Variants in AFF2 observed in about 807,000 individuals in gnomAD.
The protein encoded by AFF2 is ALF transcription elongation factor 2.
A neutral mutation model predicts 76.9 loss-of-function variants in AFF2; 14 were observed. That is an observed-to-expected ratio of 0.18 (90% confidence interval 0.12 to 0.28). AFF2 has a LOEUF of 0.28. Ranked by LOEUF, AFF2 falls within the 10% of genes least tolerant of loss-of-function variation. The pLI is 1.00. For synonymous variants in AFF2, 398 were observed against 366.7 expected (o/e 1.09, Z -0.98); for missense variants, 868 against 1,001.1 (o/e 0.87, Z 1.79).
At chrX:148,608,463 C>G (rs950948301) in intron 1 of AFF2, among the ~76,000 whole-genome samples, 1 of 110,708 alleles carries the variant, frequency 9.0e-6, no homozygotes, top group African/African-American at 3.3e-5. Context: ...CTGGAGGAAG[C>G]TAAGGCTTGT....
chrX:148,870,573 A>G (rs1168278019), intron 7 of AFF2, among the ~76,000 whole-genome samples: 2 of 111,888 alleles, frequency 1.8e-5, no homozygotes, highest in Non-Finnish European at 3.8e-5. Flanking sequence ...CTGTTGTTCC[A>G]CATTTTCTTT....
chrX:148,886,742 C>T (rs1262605564), intron 8 of AFF2, among the ~76,000 whole-genome samples: 2 of 112,287 alleles, frequency 1.8e-5, no homozygotes, highest in Admixed American at 9.4e-5. Flanking sequence ...TGCTTATCAC[C>T]TCAAGTGAGG....
At chrX:148,788,378 A>G (rs963767141) in intron 3 of AFF2, among the ~76,000 whole-genome samples, 10 of 112,234 alleles carry the variant, frequency 8.9e-5, no homozygotes, top group Non-Finnish European at 9.4e-5. Context: ...CAGCAGTTAC[A>G]TAGAGCCACG....
At chrX:148,762,664 G>A (rs1439065191) in intron 3 of AFF2, among the ~76,000 whole-genome samples, 1 of 110,082 alleles carries the variant, frequency 9.1e-6, no homozygotes, top group Non-Finnish European at 1.9e-5. Flanking sequence ...AGATCGCTGA[G>A]GATAGTTGAC....
intron 3 of AFF2, among the ~76,000 whole-genome samples, chrX:148,701,564 A>G: frequency 8.9e-6 from 1 of 112,159 alleles, no homozygotes; most frequent in Non-Finnish European, 1.9e-5. Flanking sequence ...ATGATTTCAG[A>G]TGTTCAAAAA....
intron 3 of AFF2, among the ~76,000 whole-genome samples, chrX:148,784,719 T>C (rs1411755653): frequency 1.8e-5 from 2 of 112,123 alleles, no homozygotes; most frequent in Non-Finnish European, 3.8e-5. Flanking sequence ...AATTGCTCAA[T>C]TGCACCTGCA....
At chrX:148,544,803 C>T (rs1030190588) in intron 1 of AFF2, among the ~76,000 whole-genome samples, 8 of 111,586 alleles carry the variant, frequency 7.2e-5, no homozygotes, top group African/African-American at 2.6e-4. Flanking sequence ...TACTGTGTTA[C>T]GATCACCACA....
chrX:148,626,134 T>G (rs782251981), intron 1 of AFF2, among the ~76,000 whole-genome samples: 22 of 111,984 alleles, frequency 2.0e-4, no homozygotes, highest in South Asian at 1.1e-3. Context: ...TCTCCCCCTA[T>G]TCTGTCTTCA....
chrX:148,824,060 C>CCTCTCTCTCTCTCTCTCTCTCTCT lies in AFF2; in HGVS notation c.1087-13586_1087-13563dup, dbSNP rs60032031. 2.6e-4 allele frequency among the ~76,000 whole-genome samples: 25 copies of CCTCTCTCTCTCTCTCTCTCTCTCT among 96,659 alleles called. 1 individual carries two copies. Among genetic ancestry groups the CCTCTCTCTCTCTCTCTCTCTCTCT allele is most frequent in the African/African-American group, 9.1e-4 (23 of 25,173 alleles). 83.9% of individuals were successfully genotyped at this position (96,659 alleles called of 115,157 possible). A position where few individuals can be genotyped will look rare whatever the true frequency, so the allele number is the denominator to read the frequency against. On this transcript the variant is annotated intron_variant, in intron 4 of 20. Coordinates refer to ENST00000370460, the MANE Select transcript of AFF2 (RefSeq NM_002025.4). ...CCCAGGAATTGATTCATATTTGCTT[C>CCTCTCTCTCTCTCTCTCTCTCTCT]CTCTCTCTCTCTCTCTCTCTCTCTT...
At chrX:148,625,598 G>A (rs5980551) in intron 1 of AFF2, among the ~76,000 whole-genome samples, 33,809 of 109,763 alleles carry the variant, frequency 0.31, 5,226 homozygotes, top group African/African-American at 0.61. Flanking sequence ...ATGGACATCA[G>A]AAACTTCAGA....
chrX:148,718,098 T>C (rs781914700), intron 3 of AFF2, among the ~76,000 whole-genome samples: 179 of 110,388 alleles, frequency 1.6e-3, no homozygotes, highest in African/African-American at 5.4e-3. Context: ...ACTTACCTTT[T>C]GTAACATCAG....
intron 9 of AFF2, among the ~76,000 whole-genome samples, chrX:148,934,011 C>T (rs782638514): frequency 1.8e-5 from 2 of 111,720 alleles, no homozygotes; most frequent in African/African-American, 6.5e-5. Flanking sequence ...TCAACTATGG[C>T]GCTTGTTAAG....
chrX:148,912,233 C>T (rs1255090547), intron 9 of AFF2, among the ~76,000 whole-genome samples: 2 of 112,167 alleles, frequency 1.8e-5, no homozygotes, highest in African/African-American at 3.2e-5. Flanking sequence ...TATACGTGTG[C>T]CGTGGTCATT....
chrX:148,518,042 AAAT>A (rs1489056603), intron 1 of AFF2, among the ~76,000 whole-genome samples: 7 of 111,031 alleles, frequency 6.3e-5, no homozygotes, highest in African/African-American at 2.3e-4. Context: ...AAAAAAAAGA[AAAT>A]AATTTTGTCA....
chrX:148,822,704 G>GGGGTGT (rs2070342924), intron 4 of AFF2, among the ~76,000 whole-genome samples: 2 of 92,247 alleles, frequency 2.2e-5, no homozygotes, highest in Admixed American at 1.2e-4. Context: ...ATTCCTCCAG[G>GGGGTGT]GTGTGTGTGT....
chrX:148,609,382 TGGTTTGA>T (rs2053704941), intron 1 of AFF2, among the ~76,000 whole-genome samples: 1 of 111,589 alleles, frequency 9.0e-6, no homozygotes, highest in East Asian at 2.8e-4. Flanking sequence ...CATGGAAATG[TGGTTTGA>T]GGAATAGTAT....
intron 1 of AFF2, among the ~76,000 whole-genome samples, chrX:148,593,040 C>T (rs782246303): frequency 5.4e-5 from 6 of 111,670 alleles, no homozygotes; most frequent in African/African-American, 1.6e-4. Flanking sequence ...TGAAATAGAT[C>T]GCTCTGCTGA....
chrX:148,821,244 A>T (rs1413776232), intron 4 of AFF2, among the ~76,000 whole-genome samples: 2 of 111,411 alleles, frequency 1.8e-5, no homozygotes, highest in Non-Finnish European at 3.8e-5. Flanking sequence ...ATTAAATGAG[A>T]TGATGCATAT....
At chrX:148,687,722 G>T (rs1157080819) in intron 3 of AFF2, among the ~76,000 whole-genome samples, 1 of 110,304 alleles carries the variant, frequency 9.1e-6, no homozygotes, top group Non-Finnish European at 1.9e-5. Context: ...ATGTCAGGAG[G>T]TGTGTCGCTT....
Sources: gnomAD v4.1 joint callset for allele counts (sites outside exome capture counted in the v4.1 genomes callset) on GRCh38, gnomAD v4.1.1 for gene constraint, MANE v1.5 for transcripts, NCBI Gene and HGNC (gene_info 2026-07-23, HGNC 2026-07-21) for gene names.